Variants in AFTPH observed in about 807,000 individuals in gnomAD.
The protein encoded by AFTPH is aftiphilin protein.
In AFTPH, 7 loss-of-function variants were observed where a neutral mutation model predicts 72.5. The observed-to-expected ratio is 0.10, with a 90% CI of 0.05 to 0.18. The LOEUF (loss-of-function observed/expected upper bound fraction) is 0.18. AFTPH is among the 10% of genes least tolerant of loss of function. AFTPH has a pLI of 1.00. For missense variants in AFTPH, 979 were observed against 1,060.5 expected (o/e 0.92, Z 1.07); for synonymous variants, 337 against 370.1 (o/e 0.91, Z 1.03).
At chr2:64,563,248 C>T (rs1671844186) in intron 2 of AFTPH, among the ~76,000 whole-genome samples, 1 of 152,116 alleles carries the variant, frequency 6.6e-6, no homozygotes, top group Non-Finnish European at 1.5e-5. Context: ...GATTTATTTG[C>T]ATATGTTAAA....
At chr2:64,582,465 T>C (rs1373355196) in intron 7 of AFTPH, among the ~76,000 whole-genome samples, 1 of 152,184 alleles carries the variant, frequency 6.6e-6, no homozygotes, top group Non-Finnish European at 1.5e-5. Context: ...TGGTTATTCT[T>C]ACTGTTTTCA....
chr2:64,556,294 C>A (rs757470505), intron 2 of AFTPH, among the ~76,000 whole-genome samples: 1 of 152,100 alleles, frequency 6.6e-6, no homozygotes, highest in Non-Finnish European at 1.5e-5. Flanking sequence ...AGCCTCCTCA[C>A]ATATTAATAA....
intron 2 of AFTPH, among the ~76,000 whole-genome samples, chr2:64,556,097 C>A (rs1383930480): frequency 6.6e-6 from 1 of 151,596 alleles, no homozygotes. Flanking sequence ...AAGCAGTTCT[C>A]CTGCCTCAGC....
At chr2:64,524,968 A>G (rs935915202) in intron 1 of AFTPH, among the ~76,000 whole-genome samples, 1 of 152,198 alleles carries the variant, frequency 6.6e-6, no homozygotes, top group Non-Finnish European at 1.5e-5. Context: ...GGAGCTGTTC[A>G]GAAGTTTGGG....
At chr2:64,573,057 G>C (rs1672541738) in exon 6 of AFTPH, 1 of 1,613,832 alleles carries the variant, frequency 6.2e-7, no homozygotes, top group Non-Finnish European at 8.5e-7. Context: ...ATGTACATCT[G>C]ATCAGTTCCA....
exon 2 of AFTPH, chr2:64,552,901 A>G: frequency 6.2e-7 from 1 of 1,614,186 alleles, no homozygotes; most frequent in Non-Finnish European, 8.5e-7. Flanking sequence ...GAACCAGGTG[A>G]TGACTTTGGA....
intron 1 of AFTPH, among the ~76,000 whole-genome samples, chr2:64,549,311 T>C (rs1670879143): frequency 2.8e-5 from 2 of 70,266 alleles, no homozygotes; most frequent in East Asian, 7.0e-4. Context: ...GTCCTCCCTT[T>C]TTTTTTTTTT....
intron 3 of AFTPH, among the ~76,000 whole-genome samples, chr2:64,567,955 A>G (rs1195016164): frequency 2.0e-5 from 3 of 152,076 alleles, no homozygotes. Context: ...TTGAGGCACA[A>G]GAATCGCTGG....
chr2:64,537,526 A>G (rs1023471283), intron 1 of AFTPH, among the ~76,000 whole-genome samples: 3 of 152,226 alleles, frequency 2.0e-5, no homozygotes, highest in Admixed American at 1.3e-4. Flanking sequence ...ACTCCTACCA[A>G]TAGTATCTTT....
intron 7 of AFTPH, among the ~76,000 whole-genome samples, chr2:64,584,549 G>A (rs946045930): frequency 1.3e-4 from 20 of 150,044 alleles, no homozygotes; most frequent in African/African-American, 4.7e-4. Context: ...CTAACCTGAA[G>A]AAAGAGCTAT....
intron 8 of AFTPH, among the ~76,000 whole-genome samples, chr2:64,586,827 A>T (rs1222952432): frequency 2.6e-5 from 4 of 152,196 alleles, no homozygotes; most frequent in African/African-American, 9.7e-5. Context: ...CTTCAAATCG[A>T]AACTCCTCTC....
chr2:64,581,041 G>GTTTTT (rs1673166961), intron 7 of AFTPH, 149 bp from the exon 8 acceptor site: 4 of 558,836 alleles, frequency 7.2e-6, no homozygotes, highest in Non-Finnish European at 9.6e-6. Context: ...TGTACACATT[G>GTTTTT]TTTTAATGTT....
At chr2:64,571,463 C>G (rs1184585668) in intron 5 of AFTPH, among the ~76,000 whole-genome samples, 1 of 152,160 alleles carries the variant, frequency 6.6e-6, no homozygotes, top group Admixed American at 6.5e-5. Context: ...TAAGGGCACA[C>G]CAGAGAGCCT....
chr2:64,584,865 G>A (rs1039213784), intron 7 of AFTPH, among the ~76,000 whole-genome samples: 5 of 152,062 alleles, frequency 3.3e-5, no homozygotes, highest in Admixed American at 1.3e-4. Flanking sequence ...CAAAGTGCTG[G>A]GATTACAGGC....
Position 64,592,059 on chromosome 2 carries a change from A to G in AFTPH, c.*24A>G, listed in dbSNP as rs189814235. The G allele has an allele frequency of 8.2e-6, 13 of 1,588,014 alleles. No individual in the cohort carries two copies. The African/African-American group carries it at 1.3e-4, about 15-fold the overall frequency. On this transcript the variant is annotated 3_prime_UTR_variant, in exon 9 of 9. Coordinates refer to ENST00000238856, the Ensembl canonical transcript of AFTPH. ...AACTGATGTGAATTGGACAGTTTCTATTGCTTTTCCTTTTTTCCATCCCTT... is the reference window on the plus strand; with the variant it reads ...AACTGATGTGAATTGGACAGTTTCTGTTGCTTTTCCTTTTTTCCATCCCTT...
intron 7 of AFTPH, chr2:64,580,296 CACCTATCATTGTCTAAAT>C (rs1673112520): frequency 6.5e-6 from 1 of 152,808 alleles, no homozygotes; most frequent in South Asian, 2.1e-4. Flanking sequence ...ATTGTCTAAA[CACCTATCATTGTCTAAAT>C]GGCAATTATT....
chr2:64,571,337 G>T (rs1416345803), intron 5 of AFTPH, among the ~76,000 whole-genome samples: 1 of 151,924 alleles, frequency 6.6e-6, no homozygotes, highest in Non-Finnish European at 1.5e-5. Flanking sequence ...GTTCCAAGGT[G>T]ACACAGAAGC....
At chr2:64,550,677 G>GCACACA (rs56139158) in intron 1 of AFTPH, among the ~76,000 whole-genome samples, 6,401 of 130,052 alleles carry the variant, frequency 0.049, 245 homozygotes, top group Non-Finnish European at 0.06. Context: ...CTGTACGCAT[G>GCACACA]CACACACACA....
chr2:64,588,321 C>G (rs919423983), intron 8 of AFTPH, among the ~76,000 whole-genome samples: 1 of 152,170 alleles, frequency 6.6e-6, no homozygotes, highest in African/African-American at 2.4e-5. Flanking sequence ...GGAAATAGCA[C>G]ATTTTGCTTT....
Sources: gnomAD v4.1 joint callset for allele counts (sites outside exome capture counted in the v4.1 genomes callset) on GRCh38, gnomAD v4.1.1 for gene constraint, MANE v1.5 for transcripts, NCBI Gene and HGNC (gene_info 2026-07-23, HGNC 2026-07-21) for gene names.